The following ZHX2 variants were observed in gnomAD, a reference collection of about 807,000 sequenced individuals.
ZHX2 encodes the protein zinc fingers and homeoboxes protein 2.
In ZHX2, 6 loss-of-function variants were observed where a neutral mutation model predicts 21.9. The ratio of observed to expected loss-of-function variants is 0.27; its 90% CI spans 0.15 to 0.54. The LOEUF (loss-of-function observed/expected upper bound fraction) is 0.54. Among genes scored for constraint, ZHX2 ranks in the 20% least tolerant of loss-of-function variants. The probability of loss-of-function intolerance (pLI) is 0.95; values close to 1 mark genes in which losing one functional copy is unlikely to be tolerated. For synonymous variants in ZHX2, 434 were observed against 437.1 expected (o/e 0.99, Z 0.09); for missense variants, 908 against 1,090.7 (o/e 0.83, Z 2.36).
chr8:122,950,735 A>G (rs972942606), intron 2 of ZHX2, among the ~76,000 whole-genome samples: 2 of 152,026 alleles, frequency 1.3e-5, no homozygotes, highest in Admixed American at 6.5e-5. Flanking sequence ...CTCACTATTT[A>G]TGGAAATGGG....
At chr8:122,831,707 G>T (rs186774488) in intron 1 of ZHX2, among the ~76,000 whole-genome samples, 1 of 152,122 alleles carries the variant, frequency 6.6e-6, no homozygotes, top group Non-Finnish European at 1.5e-5. Context: ...AACTTTTTGC[G>T]GGAGCCTGGC....
At chr8:122,945,342 C>T (rs1029863655) in intron 2 of ZHX2, among the ~76,000 whole-genome samples, 2 of 143,374 alleles carry the variant, frequency 1.4e-5, no homozygotes, top group African/African-American at 5.2e-5. Context: ...CACCTTGTGG[C>T]GAAGGGAAGA....
chr8:122,898,556 T>A (rs1820151580), intron 2 of ZHX2, among the ~76,000 whole-genome samples: 1 of 152,142 alleles, frequency 6.6e-6, no homozygotes, highest in Non-Finnish European at 1.5e-5. Context: ...TGTCTTCCCG[T>A]CTCCCCTTCA....
intron 2 of ZHX2, among the ~76,000 whole-genome samples, chr8:122,888,890 C>A (rs1347639969): frequency 6.6e-6 from 1 of 152,162 alleles, no homozygotes; most frequent in East Asian, 1.9e-4. Context: ...CTCTCCCTAT[C>A]CCCTCTTTTC....
At position 122,961,558 on chromosome 8, in the gene ZHX2, G is replaced by A. The variant is rs371250609; in HGVS notation, c.*4+7530G>A. Among the ~76,000 whole-genome samples, 7 of 152,306 alleles carry A rather than the reference G, an allele frequency of 4.6e-5. No homozygotes were observed. The East Asian group carries it at 1.2e-3, about 25-fold the overall frequency. On this transcript the variant is annotated intron_variant, in intron 3 of 3. Transcript: ENST00000314393. ...GTTTAATTGACTCACAGTTCAGCAT[G>A]GCTGGGGAGGCCTCAGGAAACTTAC...
intron 1 of ZHX2, among the ~76,000 whole-genome samples, chr8:122,861,451 T>C (rs990299469): frequency 3.3e-5 from 5 of 152,234 alleles, no homozygotes; most frequent in African/African-American, 1.2e-4. Context: ...GCCAGTTGTC[T>C]AGTTTACATT....
intron 2 of ZHX2, among the ~76,000 whole-genome samples, chr8:122,929,664 G>T (rs1263546585): frequency 6.6e-6 from 1 of 150,982 alleles, no homozygotes; most frequent in African/African-American, 2.4e-5. Flanking sequence ...AAAGACAGTT[G>T]TTGGGAATTC....
intron 2 of ZHX2, among the ~76,000 whole-genome samples, chr8:122,902,809 C>T (rs1820262273): frequency 6.6e-6 from 1 of 152,306 alleles, no homozygotes; most frequent in South Asian, 2.1e-4. Context: ...TTTATGCCAA[C>T]CAACCAAACT....
intron 1 of ZHX2, among the ~76,000 whole-genome samples, chr8:122,849,017 G>A (rs555878182): frequency 1.8e-4 from 27 of 152,336 alleles, no homozygotes; most frequent in Non-Finnish European, 3.2e-4. Context: ...AACTAAAACC[G>A]CCAGGTTGGA....
intron 3 of ZHX2, among the ~76,000 whole-genome samples, chr8:122,957,458 A>ATTGTT (rs34465971): frequency 0.18 from 27,299 of 149,850 alleles, 2,668 homozygotes; most frequent in South Asian, 0.32. Flanking sequence ...TTGGAGGTCC[A>ATTGTT]TTGTTTTGTT....
At chr8:122,865,023 G>A (rs1216437057) in intron 2 of ZHX2, among the ~76,000 whole-genome samples, 1 of 152,134 alleles carries the variant, frequency 6.6e-6, no homozygotes, top group Non-Finnish European at 1.5e-5. Context: ...GATGAGAATC[G>A]AGTTTGACAG....
chr8:122,827,707 T>G lies in ZHX2; in HGVS notation c.-282-35770T>G. Reference sequence around the variant, plus strand: ...TACATAAATAATTAAGAAATGGGATTCTCAAGGTCGGCAGCCCTCTTTAAA... The same window carrying G: ...TACATAAATAATTAAGAAATGGGATGCTCAAGGTCGGCAGCCCTCTTTAAA... On this transcript the variant is annotated intron_variant, in intron 1 of 3. Transcript: ENST00000314393. Among the ~76,000 whole-genome samples the G allele has an allele frequency of 1.3e-5, 2 of 152,228 alleles. 1 individual carries two copies. Among genetic ancestry groups the G allele is most frequent in the South Asian group, 4.1e-4 (2 of 4,834 alleles).
chr8:122,953,059 C>T lies in ZHX2; in HGVS notation c.1549C>T (p.Arg517Ter), dbSNP rs759681757. 2.5e-6 allele frequency: 4 copies of T among 1,614,052 alleles called. No individual in the cohort carries two copies. The highest frequency in any genetic ancestry group is 1.1e-5 in the South Asian group (1 of 91,078). ...AKDQLAIAAS[R>*]HGRTYHAYPD... ...AGACCAGTTGGCCATCGCGGCCTCC[C>T]GACACGGTCGCACGTATCATGCGTA... The change falls in exon 3 of 4, where the codon CGA becomes TGA. Residue 517 changes from arginine (R) to a stop codon, truncating the protein, a stop_gained. Coordinates refer to ENST00000314393, the MANE Select transcript of ZHX2 (RefSeq NM_014943.5). LOFTEE classifies it low-confidence loss of function (END_TRUNC). The surrounding 1 kb of genome is among the most constrained non-coding windows in gnomAD (Gnocchi z 4.6).
chr8:122,874,976 T>C (rs1257946317), intron 2 of ZHX2, among the ~76,000 whole-genome samples: 1 of 151,742 alleles, frequency 6.6e-6, no homozygotes, highest in Non-Finnish European at 1.5e-5. Context: ...TCTGTATGCC[T>C]CCCTTTCCTT....
chr8:122,882,376 G>A (rs1226853068), intron 2 of ZHX2, among the ~76,000 whole-genome samples: 1 of 151,628 alleles, frequency 6.6e-6, no homozygotes, highest in Non-Finnish European at 1.5e-5. Context: ...GATAAGCTTT[G>A]CCCTTCTGCA....
chr8:122,855,009 G>A (rs908934303), intron 1 of ZHX2, among the ~76,000 whole-genome samples: 3 of 152,060 alleles, frequency 2.0e-5, no homozygotes, highest in Admixed American at 6.5e-5. Flanking sequence ...ACATATTTCC[G>A]GAATAAATGT....
chr8:122,846,916 A>G (rs560304609), intron 1 of ZHX2, among the ~76,000 whole-genome samples: 106 of 152,250 alleles, frequency 7.0e-4, no homozygotes, highest in African/African-American at 2.4e-3. Context: ...AGGCCAAGGA[A>G]CGTAGCAGCC....
intron 1 of ZHX2, among the ~76,000 whole-genome samples, chr8:122,841,469 C>G (rs1818625432): frequency 6.6e-6 from 1 of 152,058 alleles, no homozygotes; most frequent in Admixed American, 6.5e-5. Flanking sequence ...CCACCTCCTG[C>G]CTCACAGTAG....
At chr8:122,920,713 A>G (rs1411184339) in intron 2 of ZHX2, among the ~76,000 whole-genome samples, 1 of 152,194 alleles carries the variant, frequency 6.6e-6, no homozygotes, top group African/African-American at 2.4e-5. Flanking sequence ...CCGGCAGGCC[A>G]CGTGCCCTCC....
Sources: gnomAD v4.1 joint callset for allele counts (sites outside exome capture counted in the v4.1 genomes callset) on GRCh38, gnomAD v4.1.1 for gene constraint, Gnocchi (gnomAD v3.1) non-coding constraint, MANE v1.5 for transcripts, NCBI Gene and HGNC (gene_info 2026-07-23, HGNC 2026-07-21) for gene names.